The following NDRG2 variants were observed in gnomAD, a reference collection of about 807,000 sequenced individuals.
NDRG2 encodes protein NDRG2.
In NDRG2, 34 loss-of-function variants were observed where a neutral mutation model predicts 58.2. The observed-to-expected ratio is 0.58, with a 90% confidence interval of 0.44 to 0.78. The LOEUF (loss-of-function observed/expected upper bound fraction) is 0.78. Ranked by LOEUF, NDRG2 falls within the 30% of genes least tolerant of loss-of-function variation. NDRG2 has a pLI of 0.00. For missense variants in NDRG2, 434 were observed against 471.2 expected (o/e 0.92, Z 0.73); for synonymous variants, 187 against 175.9 (o/e 1.06, Z -0.50).
intron 1 of NDRG2, among the ~76,000 whole-genome samples, chr14:21,049,522 C>T (rs1428571735): frequency 2.6e-5 from 4 of 151,944 alleles, no homozygotes; most frequent in Admixed American, 6.6e-5. Context: ...ATCTCCATGG[C>T]TTTAGGGCTC....
chr14:21,019,893 T>C (rs773180000), intron 9 of NDRG2, 27 bp downstream of exon 9: 2 of 1,612,820 alleles, frequency 1.2e-6, no homozygotes, highest in Non-Finnish European at 8.5e-7. Flanking sequence ...TCCCGTCGAC[T>C]CTTCTACATC....
chr14:21,043,601 G>A (rs946839408), intron 1 of NDRG2: 2 of 653,244 alleles, frequency 3.1e-6, no homozygotes, highest in African/African-American at 3.7e-5. Context: ...GGAGGCTGAA[G>A]CTGACACTCT....
chr14:21,044,348 G>C (rs924045150), intron 1 of NDRG2: 1 of 152,734 alleles, frequency 6.5e-6, no homozygotes, highest in Non-Finnish European at 1.5e-5. Flanking sequence ...ACCTGGCTCT[G>C]GCCAGATCCC....
At chr14:21,057,726 G>A in intron 1 of NDRG2, 1 of 619,048 alleles carries the variant, frequency 1.6e-6, no homozygotes. Context: ...TTATCTGCTG[G>A]TACTAAACAA....
At chr14:21,050,276 C>G (rs74036568) in intron 1 of NDRG2, among the ~76,000 whole-genome samples, 2,405 of 152,290 alleles carry the variant, frequency 0.016, 66 homozygotes, top group African/African-American at 0.055. Context: ...GAATTGATGG[C>G]AAACTAGTCA....
At chr14:21,037,125 C>CG (rs397807737) in intron 1 of NDRG2, among the ~76,000 whole-genome samples, 5 of 152,262 alleles carry the variant, frequency 3.3e-5, no homozygotes, top group Non-Finnish European at 4.4e-5. Flanking sequence ...TCGCTCCCCC[C>CG]ACCCAACACC....
rs1885741850 is a variant in NDRG2, at chr14:21,057,712, C to T, written c.24+13116G>A. ...AGTGTTTATTAGAGGCACAAAAAGG[C>T]ACATTATCTGCTGGTACTAAACAAT... On this transcript the variant is annotated intron_variant, in intron 1 of 14. Transcript: ENST00000403829. 4 of 578,826 alleles carry T rather than the reference C, an allele frequency of 6.9e-6. No homozygotes were observed. The Admixed American group carries it at 1.3e-4, about 18-fold the overall frequency. The allele number at this position is 578,826 out of a possible 1,614,324, so 35.9% of individuals were successfully genotyped here.
intron 1 of NDRG2, among the ~76,000 whole-genome samples, chr14:21,065,554 C>T (rs1197254274): frequency 6.6e-6 from 1 of 152,076 alleles, no homozygotes; most frequent in Non-Finnish European, 1.5e-5. Flanking sequence ...AATACATAAT[C>T]AATAGAGAAA....
upstream of NDRG2, among the ~76,000 whole-genome samples, chr14:21,027,910 T>C (rs1300912044): frequency 6.6e-6 from 1 of 152,188 alleles, no homozygotes; most frequent in African/African-American, 2.4e-5. Context: ...AGAGAGAGCA[T>C]GAAGGACAGT....
intron 1 of NDRG2, chr14:21,034,186 A>G (rs8007176): frequency 0.37 from 589,224 of 1,613,488 alleles, 112,261 homozygotes; most frequent in African/African-American, 0.62. Context: ...TCAATGCTTA[A>G]GGTATAGAAG....
chr14:21,051,369 C>T (rs1275313537), intron 1 of NDRG2, among the ~76,000 whole-genome samples: 1 of 152,120 alleles, frequency 6.6e-6, no homozygotes, highest in African/African-American at 2.4e-5. Flanking sequence ...TTGTTTTTAT[C>T]GTTATGACCC....
At chr14:21,068,206 A>G (rs1886386286) in intron 1 of NDRG2, among the ~76,000 whole-genome samples, 1 of 16,588 alleles carries the variant, frequency 6.0e-5, no homozygotes. Flanking sequence ...TCACCGTGTT[A>G]GCCAGGATGG....
chr14:21,051,802 G>A (rs1183126150), intron 1 of NDRG2, among the ~76,000 whole-genome samples: 1 of 152,180 alleles, frequency 6.6e-6, no homozygotes, highest in Non-Finnish European at 1.5e-5. Flanking sequence ...GCTGTTTGAA[G>A]GTTGAAGCTT....
chr14:21,035,923 T>G, intron 1 of NDRG2: 1 of 438,540 alleles, frequency 2.3e-6, no homozygotes, highest in Non-Finnish European at 4.6e-6. Context: ...AGACCAGGAA[T>G]TGAATCCTGC....
chr14:21,030,834 C>A, upstream of NDRG2: 1 of 1,546,232 alleles, frequency 6.5e-7, no homozygotes, highest in South Asian at 1.2e-5. Context: ...CGTGGTGGAA[C>A]ATTTGCAGTG....
At chr14:21,069,901 G>A (rs1024277531) in intron 1 of NDRG2, among the ~76,000 whole-genome samples, 1 of 152,244 alleles carries the variant, frequency 6.6e-6, no homozygotes, top group African/African-American at 2.4e-5. Context: ...CCAGTTCTGG[G>A]AAGGGGCGGC....
intron 1 of NDRG2, chr14:21,043,439 T>C: frequency 6.2e-7 from 1 of 1,603,882 alleles, no homozygotes; most frequent in South Asian, 1.1e-5. Flanking sequence ...ACCTGGTTCC[T>C]GTACACTTGG....
upstream of NDRG2, among the ~76,000 whole-genome samples, chr14:21,026,135 T>G (rs899516339): frequency 8.6e-5 from 13 of 151,820 alleles, no homozygotes; most frequent in Non-Finnish European, 1.3e-4. Context: ...CTGTAGACTT[T>G]ACACACACAC....
At chr14:21,022,013 C>A (rs770550447) in intron 5 of NDRG2, 49 bp downstream of exon 5, 1 of 1,613,826 alleles carries the variant, frequency 6.2e-7, no homozygotes, top group Non-Finnish European at 8.5e-7. Flanking sequence ...TTTCCCGCAC[C>A]TGTCCTGTTC....
Sources: gnomAD v4.1 joint callset for allele counts (sites outside exome capture counted in the v4.1 genomes callset) on GRCh38, gnomAD v4.1.1 for gene constraint, MANE v1.5 for transcripts, NCBI Gene and HGNC (gene_info 2026-07-23, HGNC 2026-07-21) for gene names.